DCBLD1: variants seen among roughly 807,000 people sequenced by gnomAD.
The protein encoded by DCBLD1 is discoidin, CUB and LCCL domain-containing protein 1.
Under a neutral mutation model 71.5 loss-of-function variants are expected in DCBLD1, and 57 were observed. The ratio of observed to expected loss-of-function variants is 0.80; its 90% CI spans 0.64 to 0.99. The LOEUF (loss-of-function observed/expected upper bound fraction) is 0.99, where lower values mean the gene tolerates loss of function less well. Ranked by LOEUF, DCBLD1 falls within the 50% of genes least tolerant of loss-of-function variation. The pLI is 0.00. For missense variants in DCBLD1, 891 were observed against 923.5 expected (o/e 0.96, Z 0.46); for synonymous variants, 380 against 363.8 (o/e 1.04, Z -0.51).
At chr6:117,534,916 G>A (rs1778836480) in intron 6 of DCBLD1, among the ~76,000 whole-genome samples, 1 of 151,964 alleles carries the variant, frequency 6.6e-6, no homozygotes, top group Non-Finnish European at 1.5e-5. Flanking sequence ...TATTTTGGGG[G>A]GAGTAGATAG....
At chr6:117,497,081 G>T (rs182496312) in intron 1 of DCBLD1, among the ~76,000 whole-genome samples, 122 of 152,304 alleles carry the variant, frequency 8.0e-4, no homozygotes, top group African/African-American at 2.8e-3. Context: ...TGTAATCCCA[G>T]CTAATCGGGA....
chr6:117,503,495 A>G (rs142052640), intron 1 of DCBLD1: 2 of 417,690 alleles, frequency 4.8e-6, no homozygotes, highest in African/African-American at 4.0e-5. Flanking sequence ...ATTAGAAAAA[A>G]TAATGATTAA....
At chr6:117,538,584 C>A in intron 7 of DCBLD1, 36 bp from the exon 8 acceptor site, 3 of 1,583,448 alleles carry the variant, frequency 1.9e-6, no homozygotes, top group Non-Finnish European at 2.6e-6. Flanking sequence ...TATTTTATGT[C>A]TGTATCTAAA....
intron 14 of DCBLD1, 105 bp from the exon 15 acceptor site, chr6:117,547,802 G>T: frequency 1.3e-6 from 2 of 1,543,736 alleles, no homozygotes; most frequent in Non-Finnish European, 8.7e-7. Flanking sequence ...GGGCACCCGG[G>T]GGGAAAGTCA....
chr6:117,529,768 A>G (rs2114516651), intron 5 of DCBLD1, among the ~76,000 whole-genome samples: 1 of 152,340 alleles, frequency 6.6e-6, no homozygotes, highest in Middle Eastern at 3.4e-3. Flanking sequence ...TTGGAGATGT[A>G]TCCTATAGCC....
chr6:117,517,661 C>T (rs1325716699), intron 2 of DCBLD1, among the ~76,000 whole-genome samples: 1 of 152,186 alleles, frequency 6.6e-6, no homozygotes, highest in African/African-American at 2.4e-5. Flanking sequence ...GTTCCCAAAC[C>T]CCAATTCTTG....
Position 117,519,712 on chromosome 6 carries a change from G to A in DCBLD1, c.326-104G>A, listed in dbSNP as rs1778320602. 6 of 1,394,682 alleles carry A rather than the reference G, an allele frequency of 4.3e-6. No individual in the cohort carries two copies. In the South Asian group the frequency reaches 8.0e-5, roughly 19 times the overall value. 86.4% of individuals were successfully genotyped at this position (1,394,682 alleles called of 1,614,324 possible). A position where few individuals can be genotyped will look rare whatever the true frequency, so the allele number is the denominator to read the frequency against. On this transcript the variant is annotated intron_variant, in intron 2 of 14. Coordinates refer to ENST00000338728, the MANE Select transcript of DCBLD1 (RefSeq NM_001366458.2). ...TGGTAAAGATTATAATCATACATATGTATTGTCTAGTAAATTTGGCCTTTC... is the reference window on the plus strand; with the variant it reads ...TGGTAAAGATTATAATCATACATATATATTGTCTAGTAAATTTGGCCTTTC...
At chr6:117,494,605 A>T (rs544366326) in intron 1 of DCBLD1, among the ~76,000 whole-genome samples, 28 of 151,238 alleles carry the variant, frequency 1.9e-4, no homozygotes, top group African/African-American at 6.5e-4. Flanking sequence ...TTTTTTTCTT[A>T]AAAGTCTTCT....
chr6:117,484,682 G>A (rs1487131622), intron 1 of DCBLD1, among the ~76,000 whole-genome samples: 1 of 152,180 alleles, frequency 6.6e-6, no homozygotes, highest in Non-Finnish European at 1.5e-5. Flanking sequence ...ATTTTATAAT[G>A]TTAGGGTTGT....
chr6:117,557,209 G>T (rs1779505626), intron 14 of DCBLD1, among the ~76,000 whole-genome samples: 1 of 151,874 alleles, frequency 6.6e-6, no homozygotes, highest in Non-Finnish European at 1.5e-5. Context: ...GTAGTAAATT[G>T]GTTCTTTAAG....
Position 117,544,607 on chromosome 6 carries a change from T to G in DCBLD1, c.1495+30T>G. ...GTTGAAAACTCTATCTACAATTTTA[T>G]CTGTCTTTGAGGAAGGGACAGGATC... On this transcript the variant is annotated intron_variant, in intron 13 of 14. Coordinates refer to ENST00000338728, the MANE Select transcript of DCBLD1 (RefSeq NM_001366458.2). 5 of 1,613,124 alleles carry G rather than the reference T, an allele frequency of 3.1e-6. No homozygotes were observed. The South Asian group carries it at 5.5e-5, about 18-fold the overall frequency.
At chr6:117,512,396 C>CT (rs1039502826) in intron 2 of DCBLD1, among the ~76,000 whole-genome samples, 4 of 152,132 alleles carry the variant, frequency 2.6e-5, no homozygotes, top group African/African-American at 4.8e-5. Flanking sequence ...AGGAATATCC[C>CT]TTTTTTATGC....
At chr6:117,493,943 T>G (rs1385418504) in intron 1 of DCBLD1, among the ~76,000 whole-genome samples, 1 of 152,202 alleles carries the variant, frequency 6.6e-6, no homozygotes, top group Non-Finnish European at 1.5e-5. Flanking sequence ...AATTACTCTT[T>G]GTATGTGTGT....
At chr6:117,539,487 C>A in intron 9 of DCBLD1, 108 bp downstream of exon 9, 1 of 1,292,212 alleles carries the variant, frequency 7.7e-7, no homozygotes. Flanking sequence ...ACAGTGAGGC[C>A]AAGCATGGTG....
chr6:117,520,372 T>G (rs909374599), intron 3 of DCBLD1, among the ~76,000 whole-genome samples: 5 of 152,234 alleles, frequency 3.3e-5, no homozygotes, highest in Non-Finnish European at 5.9e-5. Flanking sequence ...ATCAGTTGAC[T>G]TATATGGGAT....
At chr6:117,502,585 G>A (rs1392717286) in intron 1 of DCBLD1, among the ~76,000 whole-genome samples, 1 of 152,204 alleles carries the variant, frequency 6.6e-6, no homozygotes, top group Non-Finnish European at 1.5e-5. Context: ...GGAGGGAAGA[G>A]GGCTGCTTTG....
In DCBLD1 at chr6:117,521,516, T is replaced by A. The variant is rs761932795; in HGVS notation, c.461-9T>A. 1.3e-6 allele frequency: 2 copies of A among 1,573,002 alleles called. No individual in the cohort carries two copies. Among genetic ancestry groups the A allele is most frequent in the Non-Finnish European group, 1.7e-6 (2 of 1,163,592 alleles). The stretch of plus-strand genomic sequence containing the variant: ...TTCTATTAATTGCAATTATCTTTAT[T>A]TATGACAGATTTAATAACATGTTTG... On this transcript the variant is annotated splice_polypyrimidine_tract_variant and intron_variant, in intron 3 of 14. Coordinates refer to ENST00000338728, the MANE Select transcript of DCBLD1 (RefSeq NM_001366458.2).
At chr6:117,506,446 G>A (rs1777846516) in intron 2 of DCBLD1, among the ~76,000 whole-genome samples, 1 of 152,166 alleles carries the variant, frequency 6.6e-6, no homozygotes, top group South Asian at 2.1e-4. Context: ...CAAGAAGTAG[G>A]TAGTATTTTT....
intron 2 of DCBLD1, among the ~76,000 whole-genome samples, chr6:117,511,029 C>G (rs1028045628): frequency 9.2e-5 from 14 of 152,140 alleles, no homozygotes; most frequent in Non-Finnish European, 5.9e-5. Context: ...CTTGTAAGAT[C>G]ACTTAGCGGG....
Sources: allele counts gnomAD v4.1 joint callset (sites outside exome capture counted in the v4.1 genomes callset), GRCh38; gene constraint gnomAD v4.1.1; transcripts MANE v1.5; gene names NCBI Gene and HGNC (gene_info 2026-07-23, HGNC 2026-07-21).